Variants in AFG1L observed in about 807,000 individuals in gnomAD.
AFG1L encodes AFG1 like ATPase.
In AFG1L, 53 loss-of-function variants were observed where a neutral mutation model predicts 62.2. The observed-to-expected ratio is 0.85, with a 90% CI of 0.68 to 1.07. The LOEUF is 1.07. Among genes scored for constraint, AFG1L ranks in the 50% least tolerant of loss-of-function variants. The pLI, the probability that AFG1L is intolerant of heterozygous loss-of-function variation, is 0.00. For missense variants in AFG1L, 555 were observed against 590.5 expected (o/e 0.94, Z 0.62); for synonymous variants, 228 against 210.3 (o/e 1.08, Z -0.73).
chr6:108,299,281 ATAAAT>A (rs1322943584), intron 1 of AFG1L, among the ~76,000 whole-genome samples: 1 of 151,178 alleles, frequency 6.6e-6, no homozygotes, highest in Non-Finnish European at 1.5e-5. Flanking sequence ...AAAAAAAAAA[ATAAAT>A]TAACATACTT....
rs541978025 is a variant in AFG1L, at chr6:108,384,061, T to TAAA, written c.748+17746_748+17748dup. Reference sequence around the variant, plus strand: ...ACAACTATGTGAAGGTCCTGGAGAGTAAAAAAAAAAAAAAAAAAAGGCTGG... The same window carrying TAAA: ...ACAACTATGTGAAGGTCCTGGAGAGTAAAAAAAAAAAAAAAAAAAAAAGGCTGG... On this transcript the variant is annotated intron_variant, in intron 6 of 12. Transcript: ENST00000368977. Among the ~76,000 whole-genome samples the TAAA allele has an allele frequency of 9.0e-3, 723 of 80,048 alleles. 9 individuals are homozygous for TAAA. The highest frequency in any genetic ancestry group is 0.025 in the African/African-American group (646 of 25,408). 52.5% of individuals were successfully genotyped at this position (80,048 alleles called of 152,430 possible). A position where few individuals can be genotyped will look rare whatever the true frequency, so the allele number is the denominator to read the frequency against.
intron 2 of AFG1L, among the ~76,000 whole-genome samples, chr6:108,328,322 G>T (rs2114328355): frequency 6.6e-6 from 1 of 152,264 alleles, no homozygotes; most frequent in Non-Finnish European, 1.5e-5. Context: ...TTGGTTATCT[G>T]AGACTTGAAT....
At chr6:108,368,426 C>A (rs111419406) in intron 6 of AFG1L, among the ~76,000 whole-genome samples, 2,842 of 152,192 alleles carry the variant, frequency 0.019, 46 homozygotes, top group Middle Eastern at 0.071. Flanking sequence ...CCTTTTGGAT[C>A]CAGTTATTCA....
chr6:108,443,934 T>C (rs1771653503), intron 7 of AFG1L, among the ~76,000 whole-genome samples: 1 of 152,120 alleles, frequency 6.6e-6, no homozygotes, highest in South Asian at 2.1e-4. Flanking sequence ...AATATATTTT[T>C]CCCATGAATT....
chr6:108,417,289 A>ACACAC lies in AFG1L; in HGVS notation c.807+15235_807+15236insCACAC, dbSNP rs1562147803. ...ACGCACACACACACACACACACACA[A>ACACAC]AAAAAAAACGGGGAAAAAAAGAAAA... is the stretch of plus-strand genomic sequence containing the variant. On this transcript the variant is annotated intron_variant, in intron 7 of 12. Transcript: ENST00000368977. Among the ~76,000 whole-genome samples the ACACAC allele has an allele frequency of 2.5e-5, 3 of 122,110 alleles. No homozygotes were observed. The South Asian group carries it at 7.0e-4, about 28-fold the overall frequency. The allele number at this position is 122,110 out of a possible 152,430, so 80.1% of individuals were successfully genotyped here.
At chr6:108,441,763 G>A (rs1458583428) in intron 7 of AFG1L, among the ~76,000 whole-genome samples, 1 of 149,816 alleles carries the variant, frequency 6.7e-6, no homozygotes, top group Middle Eastern at 3.2e-3. Flanking sequence ...AGACAATTAA[G>A]TGCTAACATC....
chr6:108,388,495 C>T (rs1780874980), intron 6 of AFG1L, among the ~76,000 whole-genome samples: 2 of 152,160 alleles, frequency 1.3e-5, no homozygotes, highest in Admixed American at 6.5e-5. Flanking sequence ...ATCTTTCCTG[C>T]TTTCTCCTGT....
chr6:108,507,605 A>C (rs1448860140), intron 10 of AFG1L, among the ~76,000 whole-genome samples: 1 of 152,246 alleles, frequency 6.6e-6, no homozygotes, highest in Non-Finnish European at 1.5e-5. Context: ...ATTCTGATAG[A>C]AATCACATCC....
intron 6 of AFG1L, among the ~76,000 whole-genome samples, chr6:108,379,787 C>T (rs1181602176): frequency 6.6e-6 from 1 of 152,240 alleles, no homozygotes; most frequent in Non-Finnish European, 1.5e-5. Context: ...ACTGCCTGGA[C>T]ATGGAGCAGA....
intron 7 of AFG1L, among the ~76,000 whole-genome samples, chr6:108,434,725 C>T (rs183539666): frequency 3.6e-4 from 55 of 152,270 alleles, no homozygotes; most frequent in Non-Finnish European, 6.6e-4. Context: ...AAGCTCTTTA[C>T]GACATGAGCT....
intron 1 of AFG1L, among the ~76,000 whole-genome samples, chr6:108,307,490 C>T (rs77937551): frequency 0.011 from 1,709 of 151,260 alleles, 17 homozygotes; most frequent in Non-Finnish European, 0.018. Flanking sequence ...AGCTCACTGC[C>T]GCCTAAACCT....
At chr6:108,344,186 C>T (rs564468043) in intron 2 of AFG1L, among the ~76,000 whole-genome samples, 15 of 150,200 alleles carry the variant, frequency 1.0e-4, no homozygotes, top group African/African-American at 2.9e-4. Flanking sequence ...GATCTCGGCT[C>T]ACTGCAACCT....
At chr6:108,498,314 C>T (rs1459422172) in intron 10 of AFG1L, among the ~76,000 whole-genome samples, 1 of 152,218 alleles carries the variant, frequency 6.6e-6, no homozygotes, top group Non-Finnish European at 1.5e-5. Context: ...AGAACAATTG[C>T]AGCCATTACT....
At chr6:108,519,952 T>G (rs551809284) in intron 12 of AFG1L, 142 bp downstream of exon 12, 2 of 518,694 alleles carry the variant, frequency 3.9e-6, no homozygotes, top group South Asian at 2.6e-5. Context: ...ATGTAGCAAA[T>G]TTATCATTCT....
rs1057079862 is a variant in AFG1L, at chr6:108,522,875, T to G, written c.*450T>G. 1 of 152,586 alleles carries G rather than the reference T, an allele frequency of 6.6e-6. No homozygotes were observed. Among genetic ancestry groups the G allele is most frequent in the Non-Finnish European group, 1.5e-5 (1 of 68,540 alleles). The allele number at this position is 152,586 out of a possible 1,614,324, so 9.5% of individuals were successfully genotyped here. A position where few individuals can be genotyped will look rare whatever the true frequency, so the allele number is the denominator to read the frequency against. Reference sequence around the variant, plus strand: ...GACAGTTTTCCAATCTGATATAAACTAAAAGGGATAATATTTTAGAATATG... The same window carrying G: ...GACAGTTTTCCAATCTGATATAAACGAAAAGGGATAATATTTTAGAATATG... On this transcript the variant is annotated 3_prime_UTR_variant, in exon 13 of 13. Coordinates refer to ENST00000368977, the MANE Select transcript of AFG1L (RefSeq NM_145315.5).
chr6:108,522,991 C>A lies in AFG1L; in HGVS notation c.*566C>A, dbSNP rs1250668777. ...ACATAATGGAAGAATATGTTTTTAA[C>A]CCTGAGATCAAGTTTAGTAGGCAGG... On this transcript the variant is annotated 3_prime_UTR_variant, in exon 13 of 13. Transcript: ENST00000368977. 6.6e-6 allele frequency: 1 copy of A among 150,468 alleles called. No individual in the cohort carries two copies. Among genetic ancestry groups the A allele is most frequent in the Non-Finnish European group, 1.5e-5 (1 of 67,768 alleles). 9.3% of individuals were successfully genotyped at this position (150,468 alleles called of 1,614,324 possible).
At chr6:108,458,515 A>G (rs1772334315) in intron 8 of AFG1L, among the ~76,000 whole-genome samples, 1 of 151,870 alleles carries the variant, frequency 6.6e-6, no homozygotes, top group South Asian at 2.1e-4. Context: ...AAGTCTTGCT[A>G]TGTTGCCCAG....
intron 3 of AFG1L, 29 bp from the exon 4 acceptor site, chr6:108,355,625 G>A (rs1419811629): frequency 1.7e-6 from 2 of 1,200,120 alleles, no homozygotes; most frequent in Non-Finnish European, 2.4e-6. Context: ...CTATTTAATA[G>A]TATTCTTAAA....
At chr6:108,313,204 C>T (rs1055014678) in intron 1 of AFG1L, among the ~76,000 whole-genome samples, 1 of 152,150 alleles carries the variant, frequency 6.6e-6, no homozygotes, top group Non-Finnish European at 1.5e-5. Flanking sequence ...CCAGAGCCCA[C>T]ATTCCTTCCA....
Sources: gnomAD v4.1 joint callset for allele counts (sites outside exome capture counted in the v4.1 genomes callset) on GRCh38, gnomAD v4.1.1 for gene constraint, MANE v1.5 for transcripts, NCBI Gene and HGNC (gene_info 2026-07-23, HGNC 2026-07-21) for gene names.